CEP192: variants seen among roughly 807,000 people sequenced by gnomAD.
CEP192 encodes the protein centrosomal protein of 192 kDa.
Under a neutral mutation model 271.8 loss-of-function variants are expected in CEP192, and 151 were observed. The observed-to-expected ratio is 0.56, with a 90% CI of 0.49 to 0.64. The LOEUF (loss-of-function observed/expected upper bound fraction) is 0.64. Ranked by LOEUF, CEP192 falls within the 30% of genes least tolerant of loss-of-function variation. The pLI is 0.00. For synonymous variants in CEP192, 995 were observed against 1,076.5 expected, an observed-to-expected ratio of 0.92 and a Z score of 1.48; for missense variants, 2,910 against 3,020.5, an observed-to-expected ratio of 0.96 and a Z score of 0.86.
rs749554784 is a variant in CEP192, at chr18:13,116,504, G to A, written c.7416+1G>A. On this transcript the variant is annotated splice_donor_variant, in intron 43 of 44. Transcript: ENST00000506447. LOFTEE classifies it high-confidence loss of function. ...AAATAATTCTTTTATTACACACTCA[G>A]TAAGTTGGAAATATTACTATGGGTT... 2 of 1,595,274 alleles carry A rather than the reference G, an allele frequency of 1.3e-6. No homozygotes were observed. The highest frequency in any genetic ancestry group is 4.5e-5 in the East Asian group (2 of 44,204).
intron 1 of CEP192, among the ~76,000 whole-genome samples, chr18:12,998,478 C>A (rs2033399787): frequency 6.6e-6 from 1 of 152,316 alleles, no homozygotes; most frequent in South Asian, 2.1e-4. Flanking sequence ...CAGTTTGTTT[C>A]TTCACCTGTA....
chr18:13,080,882 T>C (rs1486536206), intron 30 of CEP192, among the ~76,000 whole-genome samples: 1 of 152,222 alleles, frequency 6.6e-6, no homozygotes, highest in African/African-American at 2.4e-5. Context: ...CTTTTCTGCA[T>C]CTATTGATAT....
chr18:13,070,317 CT>C (rs1294788069), intron 27 of CEP192, among the ~76,000 whole-genome samples: 1 of 152,122 alleles, frequency 6.6e-6, no homozygotes, highest in Non-Finnish European at 1.5e-5. Context: ...TTCAGATTGT[CT>C]TCTCTTTTTT....
chr18:13,121,857 G>A (rs762703692), intron 44 of CEP192, among the ~76,000 whole-genome samples: 26 of 152,232 alleles, frequency 1.7e-4, no homozygotes, highest in Admixed American at 6.5e-4. Flanking sequence ...CCAAGGAATA[G>A]AGTTATCATT....
At chr18:13,110,721 C>T (rs1432387915) in intron 40 of CEP192, among the ~76,000 whole-genome samples, 1 of 152,166 alleles carries the variant, frequency 6.6e-6, no homozygotes, top group East Asian at 1.9e-4. Flanking sequence ...CTAAAAGCCT[C>T]AAAAGAAGGA....
chr18:13,023,205 T>G (rs1568295226), intron 9 of CEP192, among the ~76,000 whole-genome samples: 1 of 152,174 alleles, frequency 6.6e-6, no homozygotes, highest in Admixed American at 6.5e-5. Context: ...TAAAGACAGT[T>G]TTTATTTCCT....
chr18:13,112,456 G>A (rs1250017651), intron 40 of CEP192, among the ~76,000 whole-genome samples: 1 of 152,200 alleles, frequency 6.6e-6, no homozygotes, highest in Non-Finnish European at 1.5e-5. Context: ...CTGCTTTCCA[G>A]GGGATTAGCT....
At chr18:13,013,065 A>T (rs766482838) in intron 5 of CEP192, 40 bp downstream of exon 5, 1 of 992,494 alleles carries the variant, frequency 1.0e-6, no homozygotes, top group South Asian at 1.6e-5. Context: ...CTGGAGTACT[A>T]TAGGGCAGTA....
rs150013576 is a variant in CEP192 at position 13,071,153 on chromosome 18, A to G, written c.5289A>G (p.Pro1763=). 3.3e-5 allele frequency: 54 copies of G among 1,614,200 alleles called. No individual in the cohort carries two copies. In the Middle Eastern group the frequency reaches 4.9e-4, roughly 15 times the overall value. Residue 1763 remains proline, a synonymous_variant, in exon 28 of 45, where the codon CCA becomes CCG. Transcript: ENST00000506447. ...PLSPGPCLDI[P]SILSNKQFLA... ...CACCTGGACCTTGCTTAGATATTCCATCGATTTTGTCCAACAAACAATTTC... is the reference window on the plus strand; with the variant it reads ...CACCTGGACCTTGCTTAGATATTCCGTCGATTTTGTCCAACAAACAATTTC...
At position 13,087,581 on chromosome 18, in the gene CEP192, T is replaced by G. The variant is rs1307120821; in HGVS notation, c.5928T>G (p.Thr1976=). 2 of 1,586,568 alleles carry G rather than the reference T, an allele frequency of 1.3e-6. No individual in the cohort carries two copies. Among genetic ancestry groups the G allele is most frequent in the East Asian group, 2.3e-5 (1 of 44,116 alleles). The part of the protein sequence containing the change: ...NPSDRGINNK[T]ATELSTVYLF... ...CAGACAGAGGAATCAATAATAAAAC[T>G]GCAACAGAACTATCAACTGTATACT... The change falls in exon 32 of 45, where the codon ACT becomes ACG. Residue 1976 remains threonine (T), a synonymous_variant. Coordinates refer to ENST00000506447, the MANE Select transcript of CEP192 (RefSeq NM_032142.4).
rs574030180 is a variant in CEP192, at chr18:13,046,829, C to CTTTTTTTT, written c.2068-2019_2068-2012dup. ...GTTTTCTTCTTAAAGAATATCCTTACTTTTTTTTTTTTTTTTTTGTAAGGG... is the reference window on the plus strand; with the variant it reads ...GTTTTCTTCTTAAAGAATATCCTTACTTTTTTTTTTTTTTTTTTTTTTTTTTGTAAGGG... On this transcript the variant is annotated intron_variant, in intron 15 of 44. Coordinates refer to ENST00000506447, the MANE Select transcript of CEP192 (RefSeq NM_032142.4). Among the ~76,000 whole-genome samples the CTTTTTTTT allele has an allele frequency of 4.9e-5, 6 of 122,374 alleles. No individual in the cohort carries two copies. The East Asian group carries it at 9.6e-4, about 20-fold the overall frequency. 80.3% of individuals were successfully genotyped at this position (122,374 alleles called of 152,430 possible). A position where few individuals can be genotyped will look rare whatever the true frequency, so the allele number is the denominator to read the frequency against.
At chr18:13,122,143 GC>G (rs1307794773) in intron 44 of CEP192, among the ~76,000 whole-genome samples, 31 of 152,284 alleles carry the variant, frequency 2.0e-4, no homozygotes, top group African/African-American at 7.5e-4. Context: ...CAAAAAGCAG[GC>G]CAGGCGCGGT....
At chr18:13,115,223 C>G (rs2040374354) in intron 42 of CEP192, among the ~76,000 whole-genome samples, 1 of 152,230 alleles carries the variant, frequency 6.6e-6, no homozygotes, top group Non-Finnish European at 1.5e-5. Flanking sequence ...CAGCTCCCTT[C>G]TGGAGACACA....
chr18:13,087,696 G>A, intron 32 of CEP192, 50 bp downstream of exon 32: 1 of 895,776 alleles, frequency 1.1e-6, no homozygotes, highest in Non-Finnish European at 1.7e-6. Context: ...CAGAAATAAT[G>A]AAGGCTTCTG....
At chr18:13,081,552 G>T (rs1329294146) in intron 30 of CEP192, among the ~76,000 whole-genome samples, 1 of 152,122 alleles carries the variant, frequency 6.6e-6, no homozygotes, top group Non-Finnish European at 1.5e-5. Flanking sequence ...CTTGCTAGCA[G>T]TCTATCAATT....
At chr18:13,090,809 A>C (rs1255633240) in intron 33 of CEP192, among the ~76,000 whole-genome samples, 1 of 152,192 alleles carries the variant, frequency 6.6e-6, no homozygotes, top group Non-Finnish European at 1.5e-5. Flanking sequence ...AGATAAGCTG[A>C]ACTGTGCTAT....
intron 3 of CEP192, among the ~76,000 whole-genome samples, chr18:13,002,999 A>G (rs1265553717): frequency 6.6e-6 from 1 of 152,214 alleles, no homozygotes. Flanking sequence ...GGTGGTTAGG[A>G]AATACCAGTG....
intron 2 of CEP192, chr18:13,000,202 C>T (rs2033553037): frequency 6.9e-6 from 1 of 144,660 alleles, no homozygotes; most frequent in African/African-American, 2.6e-5. Context: ...AAGTGATCCT[C>T]CTGCCTCAAC....
chr18:13,075,212 G>A (rs987756118), intron 30 of CEP192, among the ~76,000 whole-genome samples: 3 of 152,164 alleles, frequency 2.0e-5, no homozygotes, highest in Non-Finnish European at 4.4e-5. Flanking sequence ...CTTCTGCCAT[G>A]CGAGGACACA....
Sources: allele counts gnomAD v4.1 joint callset (sites outside exome capture counted in the v4.1 genomes callset), GRCh38; gene constraint gnomAD v4.1.1; transcripts MANE v1.5; gene names NCBI Gene and HGNC (gene_info 2026-07-23, HGNC 2026-07-21).